The following NEK10 variants were observed in gnomAD, a reference collection of about 807,000 sequenced individuals.
NEK10 encodes the protein serine/threonine-protein kinase Nek10.
Under a neutral mutation model 159.8 loss-of-function variants are expected in NEK10, and 122 were observed. The ratio of observed to expected loss-of-function variants is 0.76; its 90% CI spans 0.66 to 0.89. The LOEUF is 0.89. NEK10 is among the 40% of genes least tolerant of loss of function. NEK10 has a pLI of 0.00. For missense variants in NEK10, 1,342 were observed against 1,323.1 expected, an observed-to-expected ratio of 1.01 and a Z score of -0.22; for synonymous variants, 466 against 457.1, an observed-to-expected ratio of 1.02 and a Z score of -0.25.
chr3:27,356,140 G>C (rs1179970906), intron 1 of NEK10, among the ~76,000 whole-genome samples: 2 of 152,114 alleles, frequency 1.3e-5, no homozygotes, highest in African/African-American at 4.8e-5. Context: ...TGGAAGCAGG[G>C]ACTGGGCACT....
chr3:27,317,207 T>C (rs1201604505), intron 6 of NEK10, among the ~76,000 whole-genome samples: 1 of 152,228 alleles, frequency 6.6e-6, no homozygotes, highest in Non-Finnish European at 1.5e-5. Flanking sequence ...CTTCCTTGCA[T>C]TTCCTTTCCT....
intron 22 of NEK10, among the ~76,000 whole-genome samples, chr3:27,274,817 A>G (rs1170793366): frequency 6.6e-6 from 1 of 152,126 alleles, no homozygotes; most frequent in Non-Finnish European, 1.5e-5. Flanking sequence ...ACTCTGTACC[A>G]CTGAATTAGT....
chr3:27,260,756 CCT>C lies in NEK10; in HGVS notation c.2015-4387_2015-4386del, dbSNP rs772097708. Among the ~76,000 whole-genome samples the C allele has an allele frequency of 1.8e-4, 27 of 152,134 alleles. 1 individual carries two copies. In the South Asian group the frequency reaches 5.4e-3, roughly 30 times the overall value. On this transcript the variant is annotated intron_variant, in intron 22 of 35. Transcript: ENST00000691995. ...TCATAAAATGAGTTAGGAAGGATTC[CCT>C]CTTTTTTTTATTGATTGGAATAGTT...
chr3:27,262,639 G>A (rs1575500434), intron 22 of NEK10, among the ~76,000 whole-genome samples: 1 of 152,102 alleles, frequency 6.6e-6, no homozygotes, highest in Non-Finnish European at 1.5e-5. Context: ...ACTGAGGCTT[G>A]TGCATTCATC....
chr3:27,216,196 G>A (rs1039399417), intron 23 of NEK10, among the ~76,000 whole-genome samples: 7 of 152,136 alleles, frequency 4.6e-5, no homozygotes, highest in African/African-American at 1.7e-4. Flanking sequence ...AAAAGAAACA[G>A]AAAGAAAAGA....
intron 25 of NEK10, among the ~76,000 whole-genome samples, chr3:27,193,056 A>G (rs1949249846): frequency 1.3e-5 from 2 of 152,230 alleles, no homozygotes; most frequent in African/African-American, 4.8e-5. Context: ...CTACCTCATT[A>G]AACTGGTATG....
chr3:27,196,296 T>G lies in NEK10; in HGVS notation c.2292-4054A>C, dbSNP rs561548124. Among the ~76,000 whole-genome samples the G allele has an allele frequency of 3.3e-5, 5 of 152,260 alleles. No homozygotes were observed. The South Asian group carries it at 1.0e-3, about 32-fold the overall frequency. Reference sequence around the variant, plus strand: ...TTTCACACAGACCCCCTTAGAGTTGTAAGCCCTTAAAAGGGACAGGAACTG... The same window carrying G: ...TTTCACACAGACCCCCTTAGAGTTGGAAGCCCTTAAAAGGGACAGGAACTG... On this transcript the variant is annotated intron_variant, in intron 25 of 35. Coordinates refer to ENST00000691995, the MANE Select transcript of NEK10 (RefSeq NM_001394966.1).
At chr3:27,215,535 G>C in intron 23 of NEK10, 1 of 456,782 alleles carries the variant, frequency 2.2e-6, no homozygotes, top group East Asian at 3.3e-5. Flanking sequence ...TATTTACTCA[G>C]ATGAGTTTTG....
At position 27,322,191 on chromosome 3, in the gene NEK10, C is replaced by T. The variant is rs1354336600; in HGVS notation, c.433G>A (p.Asp145Asn). 6.5e-7 allele frequency: 1 copy of T among 1,547,066 alleles called. No individual in the cohort carries two copies. The highest frequency in any genetic ancestry group is 1.9e-5 in the Admixed American group (1 of 53,630). ...VLICLRLLMRDPCYQEILHSL... is the reference protein window; with the variant it reads ...VLICLRLLMRNPCYQEILHSL... ...TTCCAACCAACCTGATAACATGGAT[C>T]CCTCATTAGTAGCCTCAGACAGATT... Residue 145 changes from aspartate (D) to asparagine (N), a missense_variant, in exon 6 of 36, where the codon GAT becomes AAT. Physicochemically the swap from Asp to Asn is conservative, Grantham distance 23. Coordinates refer to ENST00000691995, the MANE Select transcript of NEK10 (RefSeq NM_001394966.1).
chr3:27,153,319 C>T (rs966917709), intron 30 of NEK10, among the ~76,000 whole-genome samples: 3 of 90,656 alleles, frequency 3.3e-5, no homozygotes, highest in African/African-American at 8.6e-5. Context: ...GACTCCATCT[C>T]AAAAAAAAAA....
intron 30 of NEK10, among the ~76,000 whole-genome samples, chr3:27,158,702 T>G (rs754668501): frequency 3.9e-5 from 6 of 152,130 alleles, no homozygotes; most frequent in Non-Finnish European, 8.8e-5. Flanking sequence ...GAGGGGAAAA[T>G]GTCAGTGTTA....
At chr3:27,348,001 T>C (rs1459991986) in intron 3 of NEK10, among the ~76,000 whole-genome samples, 1 of 152,218 alleles carries the variant, frequency 6.6e-6, no homozygotes, top group Non-Finnish European at 1.5e-5. Context: ...TCTAATTGCT[T>C]TGTACATACT....
chr3:27,190,303 C>T (rs1229689513), intron 26 of NEK10, among the ~76,000 whole-genome samples: 1 of 152,032 alleles, frequency 6.6e-6, no homozygotes, highest in Non-Finnish European at 1.5e-5. Flanking sequence ...ACTCTCCAAA[C>T]ACATATGGAA....
chr3:27,213,918 A>G (rs1951247437), intron 23 of NEK10, among the ~76,000 whole-genome samples: 1 of 152,206 alleles, frequency 6.6e-6, no homozygotes, highest in African/African-American at 2.4e-5. Context: ...TCTTTTTCTG[A>G]TCCTGAAGAG....
chr3:27,367,026 T>C (rs1011201426), intron 1 of NEK10, among the ~76,000 whole-genome samples: 2 of 152,010 alleles, frequency 1.3e-5, no homozygotes, highest in Non-Finnish European at 2.9e-5. Flanking sequence ...GCCAGGCTGA[T>C]CTTGAACTCC....
rs560056691 is a variant in NEK10, at chr3:27,220,153, C to T, written c.2091-17596G>A. On this transcript the variant is annotated intron_variant, in intron 23 of 35. Coordinates refer to ENST00000691995, the MANE Select transcript of NEK10 (RefSeq NM_001394966.1). ...TTGTTTAAATGGCTGCATTAGTTTC[C>T]TCTTGTTGCTGTGCAAATCACCACA... Among the ~76,000 whole-genome samples the T allele has an allele frequency of 3.3e-5, 5 of 152,268 alleles. No individual in the cohort carries two copies. The East Asian group carries it at 7.7e-4, about 23-fold the overall frequency.
In NEK10 at chr3:27,109,702, C is replaced by A. The variant is rs528486850; in HGVS notation, c.*1570G>T. 3.9e-5 allele frequency among the ~76,000 whole-genome samples: 6 copies of A among 152,194 alleles called. No individual in the cohort carries two copies. The highest frequency in any genetic ancestry group is 1.3e-4 in the Admixed American group (2 of 15,286). On this transcript the variant is annotated 3_prime_UTR_variant, in exon 36 of 36. Coordinates refer to ENST00000691995, the MANE Select transcript of NEK10 (RefSeq NM_001394966.1). ...AGTGCAGGTTCAAATTAACTTGGAA[C>A]AGAAATAAAATTTTGCCTGGGTAAA...
chr3:27,117,753 A>T (rs990895298), intron 33 of NEK10, among the ~76,000 whole-genome samples: 25 of 151,884 alleles, frequency 1.6e-4, no homozygotes, highest in Non-Finnish European at 3.1e-4. Context: ...GATTGCAAAA[A>T]TTTTCTCTTT....
At chr3:27,272,416 T>G (rs1289780312) in intron 22 of NEK10, among the ~76,000 whole-genome samples, 1 of 152,216 alleles carries the variant, frequency 6.6e-6, no homozygotes, top group Non-Finnish European at 1.5e-5. Context: ...TATCTGCATC[T>G]TTCTTTTGAT....
Sources: allele counts gnomAD v4.1 joint callset (sites outside exome capture counted in the v4.1 genomes callset), GRCh38; gene constraint gnomAD v4.1.1; transcripts MANE v1.5; gene names NCBI Gene and HGNC (gene_info 2026-07-23, HGNC 2026-07-21).